The following AKNAD1 variants were observed in gnomAD, a reference collection of about 807,000 sequenced individuals.
AKNAD1 encodes protein AKNAD1.
Under a neutral mutation model 90.8 loss-of-function variants are expected in AKNAD1, and 67 were observed. The observed-to-expected ratio is 0.74, with a 90% CI of 0.61 to 0.90. The LOEUF is 0.90. AKNAD1 is among the 40% of genes least tolerant of loss of function. AKNAD1 has a pLI of 0.00. For synonymous variants in AKNAD1, 327 were observed against 341.4 expected (o/e 0.96, Z 0.46); for missense variants, 957 against 975.4 (o/e 0.98, Z 0.25).
rs1341442116 is a variant in AKNAD1 at position 108,816,315 on chromosome 1, AG to A, written c.2380-14del. On this transcript the variant is annotated splice_polypyrimidine_tract_variant and intron_variant, in intron 15 of 15. Transcript: ENST00000370001. ...CCGAGTTTAAAATCTACAGAGGAAA[AG>A]TCCACACATTTTAATTACATAAACT... The A allele has an allele frequency of 6.2e-7, 1 of 1,603,978 alleles. No individual in the cohort carries two copies. Among genetic ancestry groups the A allele is most frequent in the Non-Finnish European group, 8.5e-7 (1 of 1,176,778 alleles).
At chr1:108,817,482 CTTTTTTTTTTTTTAAT>C (rs1466018229) in intron 14 of AKNAD1, 2 of 103,428 alleles carry the variant, frequency 1.9e-5, no homozygotes, top group Admixed American at 2.6e-4. Context: ...GGCCAACTTT[CTTTTTTTTTTTTTAAT>C]TTTTTTTTTT....
chr1:108,831,530 G>A (rs563854060), intron 9 of AKNAD1, among the ~76,000 whole-genome samples: 2 of 152,192 alleles, frequency 1.3e-5, no homozygotes, highest in South Asian at 4.2e-4. Context: ...AAATGTTTCT[G>A]TTAATTGAAG....
chr1:108,834,400 G>T, intron 9 of AKNAD1, 47 bp downstream of exon 9: 1 of 1,489,556 alleles, frequency 6.7e-7, no homozygotes, highest in African/African-American at 1.4e-5. Context: ...TAGTTAAAGA[G>T]CCAACAATGA....
chr1:108,820,479 T>C, intron 14 of AKNAD1, 66 bp downstream of exon 14: 1 of 1,079,726 alleles, frequency 9.3e-7, no homozygotes, highest in Non-Finnish European at 1.4e-6. Context: ...TAATGCACTA[T>C]CAAGTACACT....
chr1:108,843,045 C>T (rs1020825881), intron 6 of AKNAD1, 89 bp downstream of exon 6: 11 of 1,525,020 alleles, frequency 7.2e-6, no homozygotes, highest in Non-Finnish European at 9.8e-6. Flanking sequence ...AGTGGCTCTC[C>T]AAGCACTAAG....
chr1:108,825,542 G>T (rs115846560), intron 11 of AKNAD1, among the ~76,000 whole-genome samples: 219 of 151,676 alleles, frequency 1.4e-3, no homozygotes, highest in African/African-American at 5.1e-3. Flanking sequence ...AACAGCCTTT[G>T]TTTCTGTGGT....
intron 5 of AKNAD1, among the ~76,000 whole-genome samples, chr1:108,844,219 C>T (rs946673763): frequency 4.6e-5 from 7 of 152,010 alleles, no homozygotes; most frequent in Non-Finnish European, 8.8e-5. Flanking sequence ...AAAAATTATC[C>T]GGGCATGGTG....
intron 6 of AKNAD1, among the ~76,000 whole-genome samples, chr1:108,840,021 G>GAA (rs5776954): frequency 6.9e-6 from 1 of 145,704 alleles, no homozygotes. Flanking sequence ...GACTTTGTCT[G>GAA]AAAAAAAAAA....
At chr1:108,827,708 G>A (rs971297344) in intron 10 of AKNAD1, among the ~76,000 whole-genome samples, 3 of 150,270 alleles carry the variant, frequency 2.0e-5, no homozygotes, top group Admixed American at 6.7e-5. Context: ...CAGCTACTCG[G>A]GAGGCTGAGG....
Position 108,849,528 on chromosome 1 carries a change from C to T in AKNAD1, c.1033+9G>A, listed in dbSNP as rs1390712109. 6.5e-7 allele frequency: 1 copy of T among 1,547,324 alleles called. No homozygotes were observed. The highest frequency in any genetic ancestry group is 1.7e-5 in the Admixed American group (1 of 59,728). On this transcript the variant is annotated intron_variant, in intron 3 of 15. Transcript: ENST00000370001. ...TATATATCTCAAAGAAGTTTTAAAACATTAGTACCTGTGAGAAGTTCTTGG... is the reference window on the plus strand; with the variant it reads ...TATATATCTCAAAGAAGTTTTAAAATATTAGTACCTGTGAGAAGTTCTTGG...
chr1:108,823,587 A>G lies in AKNAD1; in HGVS notation c.2038T>C (p.Cys680Arg). The G allele has an allele frequency of 6.2e-7, 1 of 1,614,160 alleles. No homozygotes were observed. The highest frequency in any genetic ancestry group is 8.5e-7 in the Non-Finnish European group (1 of 1,180,016). The change falls in exon 12 of 16, where the codon TGC becomes CGC. Residue 680 changes from cysteine to arginine, a missense_variant. Cys to Arg is a radical substitution (Grantham distance 180). Coordinates refer to ENST00000370001, the MANE Select transcript of AKNAD1 (RefSeq NM_152763.5). ...TTACCTTTAGTTGGTTCTTTCCTGC[A>G]GGCTCTTCGGGAGGTAGGAATCTTA... Reference protein sequence around the residue: ...GTKIPTSRRACRKEPTKEFHY... With the variant: ...GTKIPTSRRARRKEPTKEFHY...
Position 108,816,196 on chromosome 1 carries a change from C to G in AKNAD1, c.2486G>C (p.Arg829Thr). ...CTAGTATTTCAGTCGATTCCTCCAC[C>G]TCTGTGCTTTAGCAAGGTCTTCTGC... ...TIAEDLAKAQ[R>T]WRNRLKY Residue 829 changes from arginine (R) to threonine (T), a missense_variant, in exon 16 of 16, where the codon AGG becomes ACG. By Grantham distance (71) the Arg-to-Thr change is moderately conservative. Transcript: ENST00000370001. The G allele has an allele frequency of 6.2e-7, 1 of 1,612,444 alleles. No homozygotes were observed.
chr1:108,819,177 G>A (rs1355028635), intron 14 of AKNAD1, among the ~76,000 whole-genome samples: 10 of 152,124 alleles, frequency 6.6e-5, no homozygotes, highest in Middle Eastern at 3.2e-3. Context: ...CCTTGGTCAA[G>A]CTGCATCATC....
chr1:108,830,604 G>A lies in AKNAD1; in HGVS notation c.1793C>T (p.Thr598Met), dbSNP rs199923486. 3.0e-5 allele frequency: 49 copies of A among 1,614,076 alleles called. No homozygotes were observed. Among genetic ancestry groups the A allele is most frequent in the East Asian group, 1.6e-4 (7 of 44,886 alleles). The change falls in exon 10 of 16, where the codon ACG (threonine) becomes ATG (methionine). Residue 598 changes from threonine to methionine, a missense_variant. By Grantham distance (81) the Thr-to-Met change is moderately conservative. Transcript: ENST00000370001. ...GAAGGCACAGCTCGGACTGGGTGCC[G>A]TCATCTCTGCACAATCCTGCCTTCT... is the stretch of plus-strand genomic sequence containing the variant. ...TPRRQDCAEM[T>M]APSPSCAFCR...
intron 1 of AKNAD1, among the ~76,000 whole-genome samples, chr1:108,853,662 G>A (rs998764901): frequency 1.3e-5 from 2 of 151,756 alleles, no homozygotes; most frequent in African/African-American, 2.4e-5. Context: ...GGCCGGGCAC[G>A]GTGCCTCACA....
intron 6 of AKNAD1, among the ~76,000 whole-genome samples, chr1:108,841,712 C>T (rs1304693669): frequency 6.6e-6 from 1 of 152,046 alleles, no homozygotes; most frequent in Non-Finnish European, 1.5e-5. Context: ...TATCAAGAAC[C>T]CAAGGGTTGT....
At chr1:108,835,332 T>G (rs1404506621) in intron 7 of AKNAD1, among the ~76,000 whole-genome samples, 2 of 152,228 alleles carry the variant, frequency 1.3e-5, no homozygotes, top group Admixed American at 1.3e-4. Context: ...ATAGTCATGA[T>G]AGCTAACACC....
chr1:108,817,392 C>T (rs1663646043), intron 14 of AKNAD1: 10 of 406,066 alleles, frequency 2.5e-5, no homozygotes, highest in Non-Finnish European at 3.9e-5. Context: ...TGTTTTCTCC[C>T]GGAATTGATC....
chr1:108,834,716 C>T (rs1461394641), intron 8 of AKNAD1, among the ~76,000 whole-genome samples, 188 bp from the exon 9 acceptor site: 1 of 152,078 alleles, frequency 6.6e-6, no homozygotes, highest in Non-Finnish European at 1.5e-5. Flanking sequence ...CCAGCCCCAG[C>T]TGTCCCGTCC....
Sources: allele counts gnomAD v4.1 joint callset (sites outside exome capture counted in the v4.1 genomes callset), GRCh38; gene constraint gnomAD v4.1.1; transcripts MANE v1.5; gene names NCBI Gene and HGNC (gene_info 2026-07-23, HGNC 2026-07-21).